MAGI2: variants seen among roughly 807,000 people sequenced by gnomAD.
MAGI2 encodes membrane-associated guanylate kinase, WW and PDZ domain-containing protein 2.
In MAGI2, 35 loss-of-function variants were observed where a neutral mutation model predicts 133.3. The ratio of observed to expected loss-of-function variants is 0.26; its 90% CI spans 0.20 to 0.35. The LOEUF (loss-of-function observed/expected upper bound fraction) is 0.35, where lower values mean the gene tolerates loss of function less well. Among genes scored for constraint, MAGI2 ranks in the 10% least tolerant of loss-of-function variants. MAGI2 has a pLI of 1.00. For missense variants in MAGI2, 1,636 were observed against 1,863.4 expected (o/e 0.88, Z 2.25); for synonymous variants, 729 against 710.6 (o/e 1.03, Z -0.41).
chr7:78,885,933 C>G (rs1233344721), intron 2 of MAGI2, among the ~76,000 whole-genome samples: 1 of 152,158 alleles, frequency 6.6e-6, no homozygotes, highest in East Asian at 1.9e-4. Flanking sequence ...CCTGCTGATC[C>G]TCTACCAAAT....
At chr7:78,629,018 TGGC>T (rs1808673006) in intron 2 of MAGI2, among the ~76,000 whole-genome samples, 1 of 152,156 alleles carries the variant, frequency 6.6e-6, no homozygotes, top group Non-Finnish European at 1.5e-5. Context: ...GCTTGCAGTA[TGGC>T]AATGCATTCC....
chr7:78,999,538 T>A (rs1806649297), intron 2 of MAGI2, among the ~76,000 whole-genome samples: 1 of 152,196 alleles, frequency 6.6e-6, no homozygotes, highest in Non-Finnish European at 1.5e-5. Flanking sequence ...AAATCTATAA[T>A]ACTTTCACAT....
chr7:78,662,683 G>A (rs1325961088), intron 2 of MAGI2, among the ~76,000 whole-genome samples: 1 of 152,052 alleles, frequency 6.6e-6, no homozygotes, highest in Non-Finnish European at 1.5e-5. Flanking sequence ...AAAAGAAATG[G>A]GGAAAAATTA....
At chr7:78,350,079 C>T (rs569160004) in intron 7 of MAGI2, 2 of 152,186 alleles carry the variant, frequency 1.3e-5, no homozygotes, top group African/African-American at 4.8e-5. Context: ...GCGTAAGAGT[C>T]ATATTCTGAA....
chr7:79,223,738 T>G (rs1585245551), intron 1 of MAGI2, among the ~76,000 whole-genome samples: 1 of 152,108 alleles, frequency 6.6e-6, no homozygotes, highest in South Asian at 2.1e-4. Context: ...AAAAACAGAT[T>G]ATCGTAACAA....
At chr7:78,355,413 T>TA (rs1317367707) in intron 7 of MAGI2, among the ~76,000 whole-genome samples, 20 of 152,122 alleles carry the variant, frequency 1.3e-4, no homozygotes, top group African/African-American at 4.6e-4. Flanking sequence ...GTCAGCCTTG[T>TA]AAAAAAACAA....
chr7:78,527,543 T>C (rs937355674), intron 3 of MAGI2, among the ~76,000 whole-genome samples: 1 of 152,220 alleles, frequency 6.6e-6, no homozygotes, highest in Non-Finnish European at 1.5e-5. Flanking sequence ...TGAATGATAA[T>C]AGATATCAAA....
chr7:78,649,481 G>A (rs777842338), intron 2 of MAGI2, among the ~76,000 whole-genome samples: 13 of 152,006 alleles, frequency 8.6e-5, no homozygotes, highest in Non-Finnish European at 1.8e-4. Flanking sequence ...GGAGACAGCC[G>A]CTAAAAGTTG....
chr7:78,500,389 G>A lies in MAGI2; in HGVS notation c.965+1188C>T, dbSNP rs573844041. 2.3e-4 allele frequency among the ~76,000 whole-genome samples: 35 copies of A among 152,194 alleles called. No individual in the cohort carries two copies. In the South Asian group the frequency reaches 7.0e-3, roughly 31 times the overall value. ...ATTTCTATTATTTTCTCTCTTTGAGGCTTATACAACTTTGAGAGGATAAGG... is the reference window on the plus strand; with the variant it reads ...ATTTCTATTATTTTCTCTCTTTGAGACTTATACAACTTTGAGAGGATAAGG... On this transcript the variant is annotated intron_variant, in intron 5 of 21. Coordinates refer to ENST00000354212, the MANE Select transcript of MAGI2 (RefSeq NM_012301.4).
At chr7:79,011,714 A>G (rs1033873332) in intron 1 of MAGI2, among the ~76,000 whole-genome samples, 1 of 152,150 alleles carries the variant, frequency 6.6e-6, no homozygotes, top group Non-Finnish European at 1.5e-5. Flanking sequence ...GTCAAAGCAA[A>G]CTACTCTAAT....
At chr7:79,209,837 T>C (rs2129552571) in intron 1 of MAGI2, among the ~76,000 whole-genome samples, 1 of 152,210 alleles carries the variant, frequency 6.6e-6, no homozygotes, top group Middle Eastern at 3.4e-3. Context: ...CCTTTTGACT[T>C]CATGAACTAT....
At chr7:78,738,151 T>G (rs1822050209) in intron 2 of MAGI2, among the ~76,000 whole-genome samples, 1 of 152,136 alleles carries the variant, frequency 6.6e-6, no homozygotes, top group South Asian at 2.1e-4. Context: ...TTAAGATACT[T>G]TAAGTCACAT....
chr7:79,338,704 A>T (rs1840671565), intron 1 of MAGI2, among the ~76,000 whole-genome samples: 1 of 152,058 alleles, frequency 6.6e-6, no homozygotes, highest in African/African-American at 2.4e-5. Flanking sequence ...ACCCCTAAAT[A>T]TGTTGTATCC....
chr7:79,359,500 A>T (rs961938543), intron 1 of MAGI2, among the ~76,000 whole-genome samples: 1 of 152,118 alleles, frequency 6.6e-6, no homozygotes, highest in Non-Finnish European at 1.5e-5. Context: ...AACTGGGTAA[A>T]TCCCAAATAG....
At position 79,416,180 on chromosome 7, in the gene MAGI2, C is replaced by T. The variant is rs2190179; in HGVS notation, c.301+36840G>A. ...AACTGGTTACATCACCAATATTACA[C>T]GCCAAATTTTCTGACTCAAAGCCCA... On this transcript the variant is annotated intron_variant, in intron 1 of 21. Coordinates refer to ENST00000354212, the MANE Select transcript of MAGI2 (RefSeq NM_012301.4). 6.1e-4 allele frequency among the ~76,000 whole-genome samples: 93 copies of T among 151,992 alleles called. 3 individuals carry two copies. In the South Asian group the frequency reaches 0.016, roughly 26 times the overall value.
At chr7:78,099,595 A>G (rs1003988175) in intron 20 of MAGI2, among the ~76,000 whole-genome samples, 12 of 152,148 alleles carry the variant, frequency 7.9e-5, no homozygotes, top group African/African-American at 2.4e-4. Context: ...TATTATCATG[A>G]TCTATATAAA....
chr7:79,197,606 A>G (rs1442582570), intron 1 of MAGI2, among the ~76,000 whole-genome samples: 1 of 152,002 alleles, frequency 6.6e-6, no homozygotes, highest in Non-Finnish European at 1.5e-5. Flanking sequence ...CTGAGTTGGA[A>G]TTTCAGAAAG....
intron 2 of MAGI2, among the ~76,000 whole-genome samples, chr7:78,820,779 G>A (rs562564944): frequency 1.0e-3 from 158 of 152,050 alleles, no homozygotes; most frequent in African/African-American, 3.7e-3. Flanking sequence ...TTCAGACAAT[G>A]TGATTAATTT....
chr7:78,066,236 C>T (rs900980818), intron 21 of MAGI2, among the ~76,000 whole-genome samples: 5 of 151,902 alleles, frequency 3.3e-5, no homozygotes, highest in East Asian at 1.9e-4. Flanking sequence ...CCGAGGTGGG[C>T]GGAACATTTG....
Sources: gnomAD v4.1 joint callset for allele counts (sites outside exome capture counted in the v4.1 genomes callset) on GRCh38, gnomAD v4.1.1 for gene constraint, MANE v1.5 for transcripts, NCBI Gene and HGNC (gene_info 2026-07-23, HGNC 2026-07-21) for gene names.